Variants in TOX observed in about 807,000 individuals in gnomAD.
TOX encodes the protein thymocyte selection associated high mobility group box.
In TOX, 11 loss-of-function variants were observed where a neutral mutation model predicts 53.7. That is an observed-to-expected ratio of 0.20 (90% CI 0.13 to 0.34). The LOEUF (loss-of-function observed/expected upper bound fraction) is 0.34, where lower values mean the gene tolerates loss of function less well. TOX is among the 10% of genes least tolerant of loss of function. The pLI is 1.00. For synonymous variants in TOX, 225 were observed against 245.3 expected, an observed-to-expected ratio of 0.92 and a Z score of 0.77; for missense variants, 570 against 664.6, an observed-to-expected ratio of 0.86 and a Z score of 1.56.
chr8:58,981,319 A>C (rs1317716623), intron 1 of TOX, among the ~76,000 whole-genome samples: 5 of 151,134 alleles, frequency 3.3e-5, no homozygotes, highest in Non-Finnish European at 7.4e-5. Flanking sequence ...TGTCTCCAAG[A>C]AGATGTAGAC....
chr8:59,100,343 A>T (rs1013931944), intron 1 of TOX, among the ~76,000 whole-genome samples: 1 of 152,202 alleles, frequency 6.6e-6, no homozygotes, highest in African/African-American at 2.4e-5. Flanking sequence ...CAGCAAGGAG[A>T]GAGAGGTGCT....
At chr8:58,893,210 T>TCCC (rs11407581) in intron 3 of TOX, among the ~76,000 whole-genome samples, 11 of 151,844 alleles carry the variant, frequency 7.2e-5, no homozygotes, top group African/African-American at 2.7e-4. Flanking sequence ...ATCCATAATC[T>TCCC]CCCCCCCACA....
chr8:58,832,231 T>A (rs1028455980), intron 5 of TOX, among the ~76,000 whole-genome samples: 6 of 149,028 alleles, frequency 4.0e-5, no homozygotes, highest in African/African-American at 1.5e-4. Flanking sequence ...TATAAATACC[T>A]GAATTTTACA....
At chr8:59,003,033 C>A (rs1349380386) in intron 1 of TOX, among the ~76,000 whole-genome samples, 1 of 152,166 alleles carries the variant, frequency 6.6e-6, no homozygotes, top group Non-Finnish European at 1.5e-5. Flanking sequence ...CTTGAGGCCT[C>A]TGAGCCAATT....
At chr8:58,867,616 A>C (rs1811126235) in intron 3 of TOX, among the ~76,000 whole-genome samples, 1 of 152,230 alleles carries the variant, frequency 6.6e-6, no homozygotes, top group Non-Finnish European at 1.5e-5. Flanking sequence ...ATGTACATGA[A>C]TCTTTTAGGA....
intron 3 of TOX, among the ~76,000 whole-genome samples, chr8:58,859,532 A>G (rs1810972361): frequency 6.6e-6 from 1 of 152,194 alleles, no homozygotes; most frequent in South Asian, 2.1e-4. Context: ...GTCATTATAA[A>G]ACAATTTATC....
chr8:59,027,846 A>C (rs990692778), intron 1 of TOX, among the ~76,000 whole-genome samples: 3 of 152,174 alleles, frequency 2.0e-5, no homozygotes, highest in African/African-American at 4.8e-5. Context: ...ACATGGTAAT[A>C]GGTCCTTTCT....
chr8:58,941,731 T>A (rs1476222251), intron 2 of TOX, among the ~76,000 whole-genome samples: 1 of 152,140 alleles, frequency 6.6e-6, no homozygotes, highest in Admixed American at 6.6e-5. Flanking sequence ...TTGACATCTA[T>A]CTTTTAAGAA....
intron 1 of TOX, among the ~76,000 whole-genome samples, chr8:59,106,561 T>C (rs1383648032): frequency 6.6e-6 from 1 of 152,174 alleles, no homozygotes. Flanking sequence ...ACATACACCT[T>C]TCTCTTTTTG....
chr8:58,813,977 G>C (rs747308122), intron 7 of TOX, among the ~76,000 whole-genome samples: 6 of 152,110 alleles, frequency 3.9e-5, no homozygotes, highest in African/African-American at 7.2e-5. Flanking sequence ...TTGAATTCCA[G>C]CTCTGACCTT....
intron 1 of TOX, among the ~76,000 whole-genome samples, chr8:58,978,482 A>G (rs1323429398): frequency 1.3e-5 from 2 of 152,348 alleles, no homozygotes; most frequent in East Asian, 3.9e-4. Flanking sequence ...CTTAGACAAC[A>G]TAAGGTATCT....
chr8:58,816,930 ACAACT>A (rs1461684337), intron 6 of TOX, among the ~76,000 whole-genome samples: 1 of 152,190 alleles, frequency 6.6e-6, no homozygotes, highest in African/African-American at 2.4e-5. Context: ...GGTTAGCAAC[ACAACT>A]CATTTGTCTT....
At chr8:59,035,274 TAA>T (rs1563425271) in intron 1 of TOX, among the ~76,000 whole-genome samples, 1 of 152,172 alleles carries the variant, frequency 6.6e-6, no homozygotes, top group African/African-American at 2.4e-5. Flanking sequence ...CTAAGCAACA[TAA>T]ATGTGTGTAG....
At chr8:59,061,263 A>G (rs1186097010) in intron 1 of TOX, among the ~76,000 whole-genome samples, 4 of 152,212 alleles carry the variant, frequency 2.6e-5, no homozygotes, top group African/African-American at 9.7e-5. Flanking sequence ...ATGAATGGCA[A>G]TGCTTCAGCT....
At position 58,858,036 on chromosome 8, in the gene TOX, T is replaced by C. The variant is rs202051736; in HGVS notation, c.412-6231A>G. Among the ~76,000 whole-genome samples, 54 of 152,220 alleles carry C rather than the reference T, an allele frequency of 3.5e-4. No individual in the cohort carries two copies. The East Asian group carries it at 0.01, about 28-fold the overall frequency. Reference sequence around the variant, plus strand: ...CCACCCACCTCGGCCTCCCAAAGTGTTGGGATTACAGGCGTGAGCCACTGT... The same window carrying C: ...CCACCCACCTCGGCCTCCCAAAGTGCTGGGATTACAGGCGTGAGCCACTGT... On this transcript the variant is annotated intron_variant, in intron 3 of 8. Coordinates refer to ENST00000361421, the MANE Select transcript of TOX (RefSeq NM_014729.3).
intron 5 of TOX, among the ~76,000 whole-genome samples, chr8:58,831,108 C>T (rs1289950971): frequency 6.6e-6 from 1 of 152,106 alleles, no homozygotes; most frequent in Non-Finnish European, 1.5e-5. Flanking sequence ...TACAATGTGA[C>T]AAACATCTTG....
intron 1 of TOX, among the ~76,000 whole-genome samples, chr8:59,093,332 A>G (rs1460128872): frequency 6.6e-6 from 1 of 152,206 alleles, no homozygotes; most frequent in Non-Finnish European, 1.5e-5. Flanking sequence ...AGAACTGTGA[A>G]GTCCTCAAGC....
In TOX at chr8:59,055,962, T is replaced by A. The variant is rs1803881754; in HGVS notation, c.102+62924A>T. ...CATAAAAATTTTTACCCCTTATAAG[T>A]CCTAAAATAACTTTATTTAAAGTAA... On this transcript the variant is annotated intron_variant, in intron 1 of 8. Coordinates refer to ENST00000361421, the MANE Select transcript of TOX (RefSeq NM_014729.3). Among the ~76,000 whole-genome samples the A allele has an allele frequency of 2.0e-5, 3 of 152,088 alleles. No individual in the cohort carries two copies. The South Asian group carries it at 6.2e-4, about 32-fold the overall frequency.
At chr8:58,912,382 G>A (rs552287291) in intron 3 of TOX, among the ~76,000 whole-genome samples, 175 of 152,218 alleles carry the variant, frequency 1.1e-3, no homozygotes, top group African/African-American at 3.9e-3. Context: ...CAAACTCTGC[G>A]CATGATTCTT....
Sources: gnomAD v4.1 joint callset for allele counts (sites outside exome capture counted in the v4.1 genomes callset) on GRCh38, gnomAD v4.1.1 for gene constraint, MANE v1.5 for transcripts, NCBI Gene and HGNC (gene_info 2026-07-23, HGNC 2026-07-21) for gene names.